OR2H2: variants seen among roughly 807,000 people sequenced by gnomAD.
OR2H2 encodes the protein olfactory receptor 2H2.
For synonymous variants in OR2H2, 146 were observed against 132.4 expected (o/e 1.10, Z -0.71); for missense variants, 295 against 313.7 (o/e 0.94, Z 0.45).
In OR2H2 at chr6:29,588,431, C is replaced by A; in HGVS notation, c.487C>A (p.His163Asn). ...ESVVQTPSTL[H>N]LPFCPDRQVD... Reference sequence around the variant, plus strand: ...AGTGGTCCAGACACCATCCACCCTGCACCTGCCCTTCTGCCCCGATCGGCA... The same window carrying A: ...AGTGGTCCAGACACCATCCACCCTGAACCTGCCCTTCTGCCCCGATCGGCA... The change falls in exon 2 of 2, where the codon CAC becomes AAC. Residue 163 changes from histidine (H) to asparagine (N), a missense_variant. Transcript: ENST00000641840. 6.8e-7 allele frequency: 1 copy of A among 1,479,818 alleles called. No individual in the cohort carries two copies. The highest frequency in any genetic ancestry group is 9.4e-7 in the Non-Finnish European group (1 of 1,058,332). 91.7% of individuals were successfully genotyped at this position (1,479,818 alleles called of 1,614,324 possible).
rs184968050 is a variant in OR2H2 at position 29,586,481 on chromosome 6, A to G, written c.-276+1131A>G. The stretch of plus-strand genomic sequence containing the variant: ...ACTCCAGCCTGGGCTATAAAACGTG[A>G]CTCTAAAAAAAAAAAAAAAAAAAAA... On this transcript the variant is annotated intron_variant, in intron 1 of 1. Coordinates refer to ENST00000641840, the MANE Select transcript of OR2H2 (RefSeq NM_007160.4). 1.3e-3 allele frequency among the ~76,000 whole-genome samples: 174 copies of G among 136,392 alleles called. 1 individual carries two copies. Among genetic ancestry groups the G allele is most frequent in the African/African-American group, 4.4e-3 (156 of 35,328 alleles). The allele number at this position is 136,392 out of a possible 152,430, so 89.5% of individuals were successfully genotyped here.
chr6:29,585,287 C>T lies in OR2H2; in HGVS notation c.-339C>T, dbSNP rs1760169076. On this transcript the variant is annotated 5_prime_UTR_variant, in exon 1 of 2. Coordinates refer to ENST00000641840, the MANE Select transcript of OR2H2 (RefSeq NM_007160.4). ...TCCTGATGTACAAGTGGAGGCTGGG[C>T]ACCAGTTAAGAGCTCTGTCATGGGG... is the stretch of plus-strand genomic sequence containing the variant. The T allele has an allele frequency of 6.6e-6, 1 of 152,132 alleles. No individual in the cohort carries two copies. Among genetic ancestry groups the T allele is most frequent in the Non-Finnish European group, 1.5e-5 (1 of 68,030 alleles). 9.4% of individuals were successfully genotyped at this position (152,132 alleles called of 1,614,324 possible).
intron 1 of OR2H2, among the ~76,000 whole-genome samples, chr6:29,587,239 A>T (rs1349364261): frequency 6.6e-6 from 1 of 152,158 alleles, no homozygotes; most frequent in Non-Finnish European, 1.5e-5. Flanking sequence ...TAAGCTACTC[A>T]TGGCAAGGAC....
Position 29,587,958 on chromosome 6 carries a change from G to A in OR2H2, c.14G>A (p.Ser5Asn), listed in dbSNP as rs1760385603. 1 of 906,546 alleles carries A rather than the reference G, an allele frequency of 1.1e-6. No homozygotes were observed. The highest frequency in any genetic ancestry group is 1.6e-5 in the African/African-American group (1 of 62,580). 56.2% of individuals were successfully genotyped at this position (906,546 alleles called of 1,614,324 possible). The change falls in exon 2 of 2, where the codon AGC becomes AAC. Residue 5 changes from serine (S) to asparagine (N), a missense_variant. Transcript: ENST00000641840. ...CAAGAACAGGCCATGGTTAACCAAA[G>A]CTCCACACCGGGCTTCCTCCTTCTG... MVNQ[S>N]STPGFLLLGF...
chr6:29,586,828 T>C (rs1156327267), intron 1 of OR2H2, among the ~76,000 whole-genome samples: 1 of 152,146 alleles, frequency 6.6e-6, no homozygotes, highest in Non-Finnish European at 1.5e-5. Context: ...GTTTGTGGTG[T>C]GGCCCACCAT....
At chr6:29,587,632 A>C (rs1760354347) in intron 1 of OR2H2, 38 bp from the exon 2 acceptor site, 2 of 324,646 alleles carry the variant, frequency 6.2e-6, no homozygotes, top group South Asian at 1.7e-4. Flanking sequence ...TTAATGAATT[A>C]GTGCATATTT....
Position 29,586,238 on chromosome 6 carries a change from C to T in OR2H2, c.-276+888C>T, listed in dbSNP as rs568421005. On this transcript the variant is annotated intron_variant, in intron 1 of 1. Coordinates refer to ENST00000641840, the MANE Select transcript of OR2H2 (RefSeq NM_007160.4). ...AGGCACAGTGACTCATGCCTGTAAT[C>T]CCAGCACTTTGGGAGGCCGAGGCAG... 7.9e-5 allele frequency among the ~76,000 whole-genome samples: 12 copies of T among 152,266 alleles called. 2 individuals carry two copies. The South Asian group carries it at 2.3e-3, about 29-fold the overall frequency.
chr6:29,586,485 TAAAA>T (rs771489542), intron 1 of OR2H2, among the ~76,000 whole-genome samples: 1 of 82,442 alleles, frequency 1.2e-5, no homozygotes, highest in East Asian at 3.2e-4. Context: ...AACGTGACTC[TAAAA>T]AAAAAAAAAA....
rs1366998715 is a variant in OR2H2 at position 29,589,015 on chromosome 6, G to GTGTGTGCATGTA, written c.*141_*152dup. On this transcript the variant is annotated 3_prime_UTR_variant, in exon 2 of 2. Transcript: ENST00000641840. ...GAATGGATGAAAGCCACATGTCTGT[G>GTGTGTGCATGTA]TGTGTGCATGTATGTGTGCAAGAGA... 3.2e-6 allele frequency: 2 copies of GTGTGTGCATGTA among 629,384 alleles called. No individual in the cohort carries two copies. The highest frequency in any genetic ancestry group is 5.8e-6 in the Non-Finnish European group (2 of 344,842). 39.0% of individuals were successfully genotyped at this position (629,384 alleles called of 1,614,324 possible). A position where few individuals can be genotyped will look rare whatever the true frequency, so the allele number is the denominator to read the frequency against.
At chr6:29,587,078 G>C (rs1250006311) in intron 1 of OR2H2, among the ~76,000 whole-genome samples, 1 of 152,158 alleles carries the variant, frequency 6.6e-6, no homozygotes, top group Non-Finnish European at 1.5e-5. Flanking sequence ...CAGTACATTG[G>C]TGTTACTGGC....
chr6:29,585,953 TAAG>T (rs1293914848), intron 1 of OR2H2, among the ~76,000 whole-genome samples: 1 of 152,162 alleles, frequency 6.6e-6, no homozygotes, highest in Non-Finnish European at 1.5e-5. Context: ...GATGGATAAA[TAAG>T]AAACAATTGG....
At chr6:29,586,713 A>G (rs377130185) in intron 1 of OR2H2, among the ~76,000 whole-genome samples, 29 of 152,338 alleles carry the variant, frequency 1.9e-4, no homozygotes, top group Non-Finnish European at 3.2e-4. Flanking sequence ...AGACAGAGAC[A>G]ATGGCAGAGA....
At position 29,589,113 on chromosome 6, in the gene OR2H2, T is replaced by C; in HGVS notation, c.*230T>C. 3.7e-6 allele frequency: 2 copies of C among 535,544 alleles called. No homozygotes were observed. Among genetic ancestry groups the C allele is most frequent in the East Asian group, 3.0e-5 (1 of 33,546 alleles). 33.2% of individuals were successfully genotyped at this position (535,544 alleles called of 1,614,324 possible). On this transcript the variant is annotated 3_prime_UTR_variant, in exon 2 of 2. Transcript: ENST00000641840. ...TAGGCATCAAGTATATTTTATATTT[T>C]TTTCTACTTTAAGTCTTCGCCTCCA...
At position 29,587,932 on chromosome 6, in the gene OR2H2, A is replaced by G. The variant is rs775738564; in HGVS notation, c.-13A>G. On this transcript the variant is annotated 5_prime_UTR_variant, in exon 2 of 2. Transcript: ENST00000641840. Reference sequence around the variant, plus strand: ...GACAGCCTCATCCCTCCAGGTACAAACAAGAACAGGCCATGGTTAACCAAA... The same window carrying G: ...GACAGCCTCATCCCTCCAGGTACAAGCAAGAACAGGCCATGGTTAACCAAA... The G allele has an allele frequency of 1.1e-5, 9 of 829,036 alleles. 1 individual carries two copies. Among genetic ancestry groups the G allele is most frequent in the Non-Finnish European group, 1.5e-5 (7 of 470,580 alleles). The allele number at this position is 829,036 out of a possible 1,614,324, so 51.4% of individuals were successfully genotyped here.
At chr6:29,586,630 A>G (rs1015290995) in intron 1 of OR2H2, among the ~76,000 whole-genome samples, 23 of 152,188 alleles carry the variant, frequency 1.5e-4, no homozygotes, top group Admixed American at 1.5e-3. Flanking sequence ...CTAGTTGTTT[A>G]AATATGTAAC....
At position 29,588,330 on chromosome 6, in the gene OR2H2, A is replaced by G; in HGVS notation, c.386A>G (p.His129Arg). 1.9e-6 allele frequency: 3 copies of G among 1,612,706 alleles called. No homozygotes were observed. Among genetic ancestry groups the G allele is most frequent in the Non-Finnish European group, 2.5e-6 (3 of 1,179,912 alleles). The change falls in exon 2 of 2, where the codon CAC becomes CGC. Residue 129 changes from histidine (H) to arginine (R), a missense_variant. Transcript: ENST00000641840. Reference sequence around the variant, plus strand: ...TACGTGGCTGTCTGCCAGCCCCTCCACTATGCCACCATCATCCACCCCCGC... The same window carrying G: ...TACGTGGCTGTCTGCCAGCCCCTCCGCTATGCCACCATCATCCACCCCCGC... ...DRYVAVCQPL[H>R]YATIIHPRLC...
In OR2H2 at chr6:29,585,710, G is replaced by A. The variant is rs772205385; in HGVS notation, c.-276+360G>A. Among the ~76,000 whole-genome samples the A allele has an allele frequency of 2.2e-4, 34 of 152,046 alleles. 1 individual carries two copies. Among genetic ancestry groups the A allele is most frequent in the Admixed American group, 1.5e-3 (23 of 15,266 alleles). ...CTCCTAACACAATGCTGGCACTTTGGGGCTCAAGAAATGAATAAATGCGTA... is the reference window on the plus strand; with the variant it reads ...CTCCTAACACAATGCTGGCACTTTGAGGCTCAAGAAATGAATAAATGCGTA... On this transcript the variant is annotated intron_variant, in intron 1 of 1. Coordinates refer to ENST00000641840, the MANE Select transcript of OR2H2 (RefSeq NM_007160.4).
rs1473902338 is a variant in OR2H2, at chr6:29,588,025, G to A, written c.81G>A (p.Val27=). Residue 27 remains valine (V), a synonymous_variant, in exon 2 of 2, where the codon GTG becomes GTA. Coordinates refer to ENST00000641840, the MANE Select transcript of OR2H2 (RefSeq NM_007160.4). The part of the protein sequence containing the change: ...EHPGLERTLF[V]VVLTSYLLTL... ...CAGGGCTGGAAAGGACTCTCTTCGTGGTTGTCCTCACTTCCTACCTCCTAA... is the reference window on the plus strand; with the variant it reads ...CAGGGCTGGAAAGGACTCTCTTCGTAGTTGTCCTCACTTCCTACCTCCTAA... 6 of 1,004,226 alleles carry A rather than the reference G, an allele frequency of 6.0e-6. No homozygotes were observed. The highest frequency in any genetic ancestry group is 9.7e-6 in the Non-Finnish European group (6 of 621,324). 62.2% of individuals were successfully genotyped at this position (1,004,226 alleles called of 1,614,324 possible).
In OR2H2 at chr6:29,588,280, C is replaced by T. The variant is rs774124541; in HGVS notation, c.336C>T (p.Leu112=). Residue 112 remains leucine, a synonymous_variant, in exon 2 of 2, where the codon CTC becomes CTT. Coordinates refer to ENST00000641840, the MANE Select transcript of OR2H2 (RefSeq NM_007160.4). ...FLSLGTTECI[L]LTVMAFDRYV... ...CCCTGGGGACAACTGAGTGCATCCT[C>T]TTGACAGTGATGGCTTTTGATCGCT... 5 of 1,605,460 alleles carry T rather than the reference C, an allele frequency of 3.1e-6. No homozygotes were observed. Among genetic ancestry groups the T allele is most frequent in the Admixed American group, 1.7e-5 (1 of 60,020 alleles).
Sources: gnomAD v4.1 joint callset for allele counts (sites outside exome capture counted in the v4.1 genomes callset) on GRCh38, gnomAD v4.1.1 for gene constraint, MANE v1.5 for transcripts, NCBI Gene and HGNC (gene_info 2026-07-23, HGNC 2026-07-21) for gene names.